The following BBS9 variants were observed in gnomAD, a reference collection of about 807,000 sequenced individuals.
The protein encoded by BBS9 is Bardet-Biedl syndrome 9.
BBS9 carries 89 observed loss-of-function variants against 117.7 expected under a neutral mutation model. The ratio of observed to expected loss-of-function variants is 0.76; its 90% CI spans 0.64 to 0.90. The LOEUF (loss-of-function observed/expected upper bound fraction) is 0.90. BBS9 is among the 40% of genes least tolerant of loss of function. The pLI is 0.00. For synonymous variants in BBS9, 379 were observed against 370.9 expected (o/e 1.02, Z -0.25); for missense variants, 982 against 1,042.2 (o/e 0.94, Z 0.80).
At position 33,264,331 on chromosome 7, in the gene BBS9, AGGAGACTG is replaced by A. The variant is rs1222963102; in HGVS notation, c.660_667del (p.Glu221ThrfsTer24). The A allele has an allele frequency of 2.5e-6, 4 of 1,577,108 alleles. No homozygotes were observed. In the South Asian group the frequency reaches 4.9e-5, roughly 19 times the overall value. ...TTTGCAACAGATGCAGATAAAAGGC[AGGAGACTG>A]AACAGCAAAAACTTGGTTCTGGAAA... On this transcript the variant is annotated frameshift_variant, in exon 7 of 23. Transcript: ENST00000242067. LOFTEE classifies it high-confidence loss of function.
intron 5 of BBS9, among the ~76,000 whole-genome samples, chr7:33,246,460 G>A (rs963870103): frequency 1.3e-5 from 2 of 151,828 alleles, no homozygotes; most frequent in African/African-American, 4.8e-5. Context: ...CGCTTTATGG[G>A]ACTGATATTA....
chr7:33,236,962 ATAAT>A (rs995018854), intron 5 of BBS9, among the ~76,000 whole-genome samples: 3 of 152,140 alleles, frequency 2.0e-5, no homozygotes, highest in Admixed American at 6.5e-5. Context: ...CATACACATT[ATAAT>A]TAATTTAATC....
chr7:33,604,081 A>T (rs79419291), intron 21 of BBS9, among the ~76,000 whole-genome samples: 4 of 152,210 alleles, frequency 2.6e-5, no homozygotes, highest in African/African-American at 4.8e-5. Flanking sequence ...ATTAACAAGA[A>T]GAATGGCTTC....
At position 33,259,309 on chromosome 7, in the gene BBS9, G is replaced by T. The variant is rs546559629; in HGVS notation, c.617+1899G>T. Among the ~76,000 whole-genome samples the T allele has an allele frequency of 1.2e-4, 19 of 152,254 alleles. No individual in the cohort carries two copies. The South Asian group carries it at 3.9e-3, about 32-fold the overall frequency. ...CTTAATTATGTTTAAATAAAAACCA[G>T]TGAAGGCTAGGGATCTCAAACTTCA... On this transcript the variant is annotated intron_variant, in intron 6 of 22. Coordinates refer to ENST00000242067, the MANE Select transcript of BBS9 (RefSeq NM_198428.3).
At chr7:33,451,907 C>A (rs938906698) in intron 19 of BBS9, among the ~76,000 whole-genome samples, 3 of 152,086 alleles carry the variant, frequency 2.0e-5, no homozygotes, top group Non-Finnish European at 4.4e-5. Flanking sequence ...GGTCTCAGCT[C>A]ACTGCAATCT....
chr7:33,241,640 T>G (rs1794540826), intron 5 of BBS9, among the ~76,000 whole-genome samples: 1 of 152,162 alleles, frequency 6.6e-6, no homozygotes, highest in Non-Finnish European at 1.5e-5. Flanking sequence ...TGATGCATCT[T>G]GGATTTTTTT....
chr7:33,460,300 T>C (rs535088928), intron 19 of BBS9, among the ~76,000 whole-genome samples: 1 of 152,228 alleles, frequency 6.6e-6, no homozygotes, highest in East Asian at 1.9e-4. Context: ...AGATAGTTTC[T>C]GGAATTTCTT....
At chr7:33,304,592 C>T (rs1458680894) in intron 9 of BBS9, among the ~76,000 whole-genome samples, 1 of 152,158 alleles carries the variant, frequency 6.6e-6, no homozygotes, top group Non-Finnish European at 1.5e-5. Context: ...TGCAATCTTC[C>T]AAGTGTGAAG....
chr7:33,462,345 T>C (rs539821546), intron 19 of BBS9, among the ~76,000 whole-genome samples: 19 of 152,228 alleles, frequency 1.2e-4, no homozygotes, highest in Admixed American at 1.1e-3. Context: ...TATGTAAAGT[T>C]TTTTTGACAA....
At chr7:33,247,138 G>T (rs924483641) in intron 5 of BBS9, among the ~76,000 whole-genome samples, 1 of 152,028 alleles carries the variant, frequency 6.6e-6, no homozygotes, top group East Asian at 1.9e-4. Flanking sequence ...TTCTCTGAAA[G>T]AATTTTTTCC....
chr7:33,588,359 G>A (rs59112770), intron 21 of BBS9, among the ~76,000 whole-genome samples: 2,018 of 152,152 alleles, frequency 0.013, 48 homozygotes, highest in African/African-American at 0.046. Context: ...ACCTCCCAGC[G>A]GAAAAGGCAG....
At chr7:33,361,522 T>C (rs1820615664) in intron 16 of BBS9, among the ~76,000 whole-genome samples, 1 of 152,130 alleles carries the variant, frequency 6.6e-6, no homozygotes, top group Non-Finnish European at 1.5e-5. Context: ...TTTTGAAAAA[T>C]TGTATCACGT....
At chr7:33,633,143 C>T (rs1047483182) in intron 21 of BBS9, among the ~76,000 whole-genome samples, 10 of 152,084 alleles carry the variant, frequency 6.6e-5, no homozygotes, top group Admixed American at 5.2e-4. Context: ...CTTGTGTGCC[C>T]GAAGCATTGT....
chr7:33,367,065 T>C (rs1821913708), intron 16 of BBS9, among the ~76,000 whole-genome samples: 1 of 152,158 alleles, frequency 6.6e-6, no homozygotes, highest in African/African-American at 2.4e-5. Context: ...GGCTGAAAAA[T>C]AGATATTTTG....
At chr7:33,562,855 T>C (rs1856295991) in intron 21 of BBS9, among the ~76,000 whole-genome samples, 1 of 151,208 alleles carries the variant, frequency 6.6e-6, no homozygotes, top group African/African-American at 2.4e-5. Flanking sequence ...ACCCAGGAGG[T>C]GGAAGTCGTA....
At chr7:33,535,746 C>G (rs1425488040) in intron 21 of BBS9, among the ~76,000 whole-genome samples, 1 of 151,478 alleles carries the variant, frequency 6.6e-6, no homozygotes, top group African/African-American at 2.4e-5. Context: ...TGCTTGCCCA[C>G]AGGAAAAACA....
intron 7 of BBS9, among the ~76,000 whole-genome samples, chr7:33,268,510 G>A (rs1240806669): frequency 6.6e-6 from 1 of 152,128 alleles, no homozygotes; most frequent in Non-Finnish European, 1.5e-5. Context: ...TTAAGGGATT[G>A]CTGTGCTTTG....
At chr7:33,453,432 C>A (rs1406594518) in intron 19 of BBS9, among the ~76,000 whole-genome samples, 2 of 152,140 alleles carry the variant, frequency 1.3e-5, no homozygotes, top group Non-Finnish European at 2.9e-5. Flanking sequence ...TCCTCCTCCT[C>A]AGCCTGCTCA....
At chr7:33,242,585 C>T (rs774105912) in intron 5 of BBS9, among the ~76,000 whole-genome samples, 17 of 151,998 alleles carry the variant, frequency 1.1e-4, no homozygotes, top group Non-Finnish European at 1.6e-4. Context: ...CTGCTTTGAA[C>T]AAACATTTTA....
Sources: allele counts gnomAD v4.1 joint callset (sites outside exome capture counted in the v4.1 genomes callset), GRCh38; gene constraint gnomAD v4.1.1; transcripts MANE v1.5; gene names NCBI Gene and HGNC (gene_info 2026-07-23, HGNC 2026-07-21).